LRPPRC: variants seen among roughly 807,000 people sequenced by gnomAD.
The protein encoded by LRPPRC is leucine-rich PPR motif-containing protein, mitochondrial.
Under a neutral mutation model 180.3 loss-of-function variants are expected in LRPPRC, and 120 were observed. That is an observed-to-expected ratio of 0.67 (90% confidence interval 0.57 to 0.77). The LOEUF (loss-of-function observed/expected upper bound fraction) is 0.77, where lower values mean the gene tolerates loss of function less well. Among genes scored for constraint, LRPPRC ranks in the 30% least tolerant of loss-of-function variants. The pLI is 0.00. For synonymous variants in LRPPRC, 723 were observed against 600.0 expected, an observed-to-expected ratio of 1.21 and a Z score of -3.00; for missense variants, 2,012 against 1,657.2, an observed-to-expected ratio of 1.21 and a Z score of -3.72.
chr2:43,945,523 C>CTAA, intron 21 of LRPPRC, 106 bp from the exon 22 acceptor site: 1 of 736,246 alleles, frequency 1.4e-6, no homozygotes, highest in East Asian at 2.6e-5. Flanking sequence ...AAGACCTGAA[C>CTAA]TAATGTTGGC....
At chr2:43,957,298 T>C (rs941613493) in intron 14 of LRPPRC, 87 bp downstream of exon 14, 1 of 897,490 alleles carries the variant, frequency 1.1e-6, no homozygotes, top group Non-Finnish European at 1.9e-6. Context: ...GATAAGAATA[T>C]TTGTATTTTT....
At chr2:43,894,720 A>C in intron 35 of LRPPRC, 91 bp from the exon 36 acceptor site, 1 of 745,444 alleles carries the variant, frequency 1.3e-6, no homozygotes, top group East Asian at 2.5e-5. Flanking sequence ...AAAAATTTTC[A>C]CAATAATTAT....
At chr2:43,905,573 G>T in intron 31 of LRPPRC, 119 bp downstream of exon 31, 1 of 775,244 alleles carries the variant, frequency 1.3e-6, no homozygotes, top group Non-Finnish European at 2.4e-6. Context: ...TACCACAAAA[G>T]GCTCTTGATA....
chr2:43,977,050 C>T lies in LRPPRC; in HGVS notation c.594G>A (p.Val198=), dbSNP rs763998060. Residue 198 remains valine, a splice_region_variant and synonymous_variant, in exon 5 of 38, where the codon GTG becomes GTA. Coordinates refer to ENST00000260665, the MANE Select transcript of LRPPRC (RefSeq NM_133259.4). ...AAGAAGCAATCAATCTCTGGTATGT[C>T]ACCTGTCAATGAAATGGGCCAGTTA... ...MEEANIQPNR[V]TYQRLIASYC... is the part of the protein sequence containing the mutation. The T allele has an allele frequency of 6.2e-7, 1 of 1,613,142 alleles. No homozygotes were observed. The highest frequency in any genetic ancestry group is 8.5e-7 in the Non-Finnish European group (1 of 1,179,376).
chr2:43,930,958 T>C (rs1558960116), intron 25 of LRPPRC, among the ~76,000 whole-genome samples: 1 of 152,190 alleles, frequency 6.6e-6, no homozygotes, highest in Non-Finnish European at 1.5e-5. Flanking sequence ...AGGAAGACAG[T>C]GTTGCAGACC....
chr2:43,970,922 A>T (rs866919429), intron 11 of LRPPRC, among the ~76,000 whole-genome samples: 1 of 152,178 alleles, frequency 6.6e-6, no homozygotes, highest in South Asian at 2.1e-4. Flanking sequence ...AACATGGTGA[A>T]ACCCCGTCTC....
chr2:43,896,737 GA>G, intron 34 of LRPPRC, 29 bp from the exon 35 acceptor site: 1 of 1,285,518 alleles, frequency 7.8e-7, no homozygotes, highest in Middle Eastern at 1.8e-4. Context: ...TTCAGTAAGT[GA>G]AGGTTTCTGA....
intron 22 of LRPPRC, 129 bp from the exon 23 acceptor site, chr2:43,944,023 C>T: frequency 1.4e-6 from 1 of 700,990 alleles, no homozygotes; most frequent in South Asian, 1.6e-5. Flanking sequence ...AAGTTAATTA[C>T]TACTTGCATT....
rs192603963 is a variant in LRPPRC, at chr2:43,983,686, A to C, written c.150-1252T>G. Reference sequence around the variant, plus strand: ...ATAATCACATTTTTCAGACGTACACATTTTCATCACAATGGTGACTTTAAA... The same window carrying C: ...ATAATCACATTTTTCAGACGTACACCTTTTCATCACAATGGTGACTTTAAA... On this transcript the variant is annotated intron_variant, in intron 1 of 37. Transcript: ENST00000260665. Among the ~76,000 whole-genome samples, 14 of 152,294 alleles carry C rather than the reference A, an allele frequency of 9.2e-5. No individual in the cohort carries two copies. The East Asian group carries it at 2.5e-3, about 27-fold the overall frequency.
intron 37 of LRPPRC, 28 bp from the exon 38 acceptor site, chr2:43,888,684 T>TA: frequency 7.7e-7 from 1 of 1,291,784 alleles, no homozygotes; most frequent in Non-Finnish European, 1.1e-6. Context: ...AGAGGGAAGT[T>TA]AGAGATACCA....
intron 25 of LRPPRC, among the ~76,000 whole-genome samples, chr2:43,932,415 T>C (rs775710561): frequency 3.3e-5 from 5 of 152,098 alleles, no homozygotes; most frequent in Non-Finnish European, 7.4e-5. Context: ...AAAATGTTGC[T>C]CATGACTTGT....
intron 29 of LRPPRC, 37 bp downstream of exon 29, chr2:43,917,988 C>T (rs772962709): frequency 2.3e-6 from 3 of 1,294,738 alleles, no homozygotes; most frequent in South Asian, 1.2e-5. Flanking sequence ...AAGAAGACCA[C>T]CCCCCCACAC....
In LRPPRC at chr2:43,934,259, C is replaced by T. The variant is rs758992522; in HGVS notation, c.2667G>A (p.Val889=). The stretch of plus-strand genomic sequence containing the variant: ...AGGCAAAGAAGAGATCATAGAGCAT[C>T]ACCATTTCACCTTGTTCTTGGCTCA... ...DFVSQEQGEM[V]MLYDLFFAFL... The change falls in exon 25 of 38, where the codon GTG becomes GTA. Residue 889 remains valine (V), a synonymous_variant. Coordinates refer to ENST00000260665, the MANE Select transcript of LRPPRC (RefSeq NM_133259.4). 3.1e-6 allele frequency: 5 copies of T among 1,610,886 alleles called. No homozygotes were observed. Among genetic ancestry groups the T allele is most frequent in the Non-Finnish European group, 4.2e-6 (5 of 1,177,718 alleles).
chr2:43,984,164 G>A (rs1036357961), intron 1 of LRPPRC, among the ~76,000 whole-genome samples: 2 of 151,850 alleles, frequency 1.3e-5, no homozygotes, highest in African/African-American at 4.8e-5. Context: ...TTAATGTCCC[G>A]CAAGCACAAA....
intron 11 of LRPPRC, among the ~76,000 whole-genome samples, chr2:43,965,972 G>A (rs888783656): frequency 6.6e-6 from 1 of 152,182 alleles, no homozygotes; most frequent in Non-Finnish European, 1.5e-5. Flanking sequence ...TCCCACTTCT[G>A]AGCATATGTC....
rs1670342321 is a variant in LRPPRC at position 43,888,251 on chromosome 2, ACAG to A, written c.*346_*348del. 2 of 271,894 alleles carry A rather than the reference ACAG, an allele frequency of 7.4e-6. No homozygotes were observed. Among genetic ancestry groups the A allele is most frequent in the Admixed American group, 5.1e-5 (1 of 19,798 alleles). The allele number at this position is 271,894 out of a possible 1,614,324, so 16.8% of individuals were successfully genotyped here. On this transcript the variant is annotated 3_prime_UTR_variant, in exon 38 of 38. Coordinates refer to ENST00000260665, the MANE Select transcript of LRPPRC (RefSeq NM_133259.4). ...CCTAGCTCTAAAATTTTTCAGAGAAACAGCAGACTAATAAGTGAATCTTAAATA... is the reference window on the plus strand; with the variant it reads ...CCTAGCTCTAAAATTTTTCAGAGAAACAGACTAATAAGTGAATCTTAAATA...
At chr2:43,890,033 C>T (rs1245696405) in intron 36 of LRPPRC, among the ~76,000 whole-genome samples, 157 bp from the exon 37 acceptor site, 8 of 152,236 alleles carry the variant, frequency 5.3e-5, no homozygotes, top group Non-Finnish European at 1.0e-4. Flanking sequence ...AATCTACCAT[C>T]TCCCTCACTT....
chr2:43,913,504 C>T (rs555111406), intron 29 of LRPPRC, among the ~76,000 whole-genome samples: 7 of 152,194 alleles, frequency 4.6e-5, no homozygotes, highest in African/African-American at 1.4e-4. Flanking sequence ...TCTGAACAGG[C>T]GAAAATTGTT....
intron 11 of LRPPRC, among the ~76,000 whole-genome samples, chr2:43,968,057 A>T (rs1673637168): frequency 6.6e-6 from 1 of 152,142 alleles, no homozygotes; most frequent in African/African-American, 2.4e-5. Context: ...ATTTAGTTAA[A>T]GTAAACGGCT....
Sources: gnomAD v4.1 joint callset for allele counts (sites outside exome capture counted in the v4.1 genomes callset) on GRCh38, gnomAD v4.1.1 for gene constraint, MANE v1.5 for transcripts, NCBI Gene and HGNC (gene_info 2026-07-23, HGNC 2026-07-21) for gene names.